Variants in PRELID2 observed in about 807,000 individuals in gnomAD.
PRELID2 encodes the protein PRELI domain containing 2.
In PRELID2, 25 loss-of-function variants were observed where a neutral mutation model predicts 28.4. The ratio of observed to expected loss-of-function variants is 0.88; its 90% confidence interval spans 0.64 to 1.23. PRELID2 has a LOEUF of 1.23. PRELID2 is among the 50% of genes most tolerant of loss of function. The pLI, the probability that PRELID2 is intolerant of heterozygous loss-of-function variation, is 0.00. For missense variants in PRELID2, 201 were observed against 214.4 expected (o/e 0.94, Z 0.39); for synonymous variants, 76 against 71.6 (o/e 1.06, Z -0.31).
chr5:145,507,826 C>T (rs1310970924), intron 1 of PRELID2, among the ~76,000 whole-genome samples: 2 of 152,124 alleles, frequency 1.3e-5, no homozygotes, highest in Admixed American at 6.6e-5. Context: ...TTTTATTGCT[C>T]ATCATTTCTG....
At chr5:145,810,504 A>G (rs556650579) in intron 4 of PRELID2, among the ~76,000 whole-genome samples, 1 of 152,322 alleles carries the variant, frequency 6.6e-6, no homozygotes, top group African/African-American at 2.4e-5. Context: ...TCCCAGTCCC[A>G]TGCCTCTCAA....
At chr5:145,596,194 G>A (rs1753304160) in intron 1 of PRELID2, among the ~76,000 whole-genome samples, 1 of 149,938 alleles carries the variant, frequency 6.7e-6, no homozygotes, top group Admixed American at 6.6e-5. Flanking sequence ...TGGAAGGAGG[G>A]AGAACTTATG....
At chr5:145,336,692 G>C in the PRELID2 span, among the ~76,000 whole-genome samples, 36 of 152,116 alleles carry the variant, frequency 2.4e-4, no homozygotes, top group Non-Finnish European at 1.0e-4. Flanking sequence ...ATTCACAATA[G>C]CAAAGACTTG....
chr5:145,458,501 G>A, the PRELID2 span, among the ~76,000 whole-genome samples: 1 of 152,180 alleles, frequency 6.6e-6, no homozygotes, highest in Non-Finnish European at 1.5e-5. Flanking sequence ...TTGCTCACAA[G>A]GGAATATTTG....
chr5:145,705,853 A>C (rs949211096), intron 1 of PRELID2, among the ~76,000 whole-genome samples: 1 of 151,506 alleles, frequency 6.6e-6, no homozygotes, highest in Non-Finnish European at 1.5e-5. Flanking sequence ...CCTTCTTGTG[A>C]TTTTTTTCTC....
chr5:145,500,133 G>C (rs1267646689), intron 1 of PRELID2, among the ~76,000 whole-genome samples: 1 of 152,174 alleles, frequency 6.6e-6, no homozygotes, highest in African/African-American at 2.4e-5. Flanking sequence ...GTCTGGATCT[G>C]TGTCCCCACC....
At chr5:145,402,420 C>T in the PRELID2 span, among the ~76,000 whole-genome samples, 1 of 151,980 alleles carries the variant, frequency 6.6e-6, no homozygotes, top group African/African-American at 2.4e-5. Context: ...AAACATGTGC[C>T]CTTGGATTTA....
Position 145,622,760 on chromosome 5 carries a change from T to C in PRELID2, n.70+142171A>G, listed in dbSNP as rs574466078. ...TTGGCCTAAGTTCTGAAAGTATAAA[T>C]AGAGAAAAATGGAATAAGTAATTTA... On this transcript the variant is annotated intron_variant and non_coding_transcript_variant, in intron 1 of 2. Transcript: ENST00000510259. Among the ~76,000 whole-genome samples the C allele has an allele frequency of 1.7e-3, 261 of 151,532 alleles. 1 individual carries two copies. The highest frequency in any genetic ancestry group is 5.2e-3 in the African/African-American group (217 of 41,334).
At chr5:145,713,369 T>TATATATATATAC (rs1334656798) in intron 1 of PRELID2, among the ~76,000 whole-genome samples, 2 of 144,646 alleles carry the variant, frequency 1.4e-5, no homozygotes, top group African/African-American at 5.1e-5. Flanking sequence ...TATATATATA[T>TATATATATATAC]ACTTTACATT....
chr5:145,586,004 G>A (rs900928491), intron 1 of PRELID2, among the ~76,000 whole-genome samples: 1 of 151,748 alleles, frequency 6.6e-6, no homozygotes, highest in Non-Finnish European at 1.5e-5. Flanking sequence ...ATCATCCAGA[G>A]ATTTCGAGTC....
intron 1 of PRELID2, among the ~76,000 whole-genome samples, chr5:145,659,515 T>C (rs1312816484): frequency 1.3e-5 from 2 of 152,178 alleles, no homozygotes; most frequent in Admixed American, 6.5e-5. Context: ...AGCTGGAAAG[T>C]TGGAATATTC....
chr5:145,424,719 G>A, the PRELID2 span, among the ~76,000 whole-genome samples: 1 of 152,170 alleles, frequency 6.6e-6, no homozygotes, highest in Non-Finnish European at 1.5e-5. Flanking sequence ...GACCGGAGCT[G>A]TTCCTATTCG....
intron 1 of PRELID2, among the ~76,000 whole-genome samples, chr5:145,577,823 A>G (rs996756113): frequency 3.9e-5 from 6 of 152,166 alleles, no homozygotes; most frequent in Non-Finnish European, 8.8e-5. Flanking sequence ...TTCCACACTA[A>G]CAGGCCTCTT....
the PRELID2 span, among the ~76,000 whole-genome samples, chr5:145,445,894 C>A: frequency 2.6e-5 from 4 of 151,892 alleles, no homozygotes; most frequent in Non-Finnish European, 5.9e-5. Context: ...AGAAGGGGAA[C>A]TCTTCTACAC....
chr5:145,240,003 A>T, the PRELID2 span, among the ~76,000 whole-genome samples: 8,575 of 152,084 alleles, frequency 0.056, 441 homozygotes, highest in African/African-American at 0.14. Flanking sequence ...AATTTGGTAC[A>T]TCTTTTGCCT....
At chr5:145,302,863 T>C in the PRELID2 span, among the ~76,000 whole-genome samples, 1 of 152,194 alleles carries the variant, frequency 6.6e-6, no homozygotes, top group Non-Finnish European at 1.5e-5. Context: ...ATCAAGTAGT[T>C]ATTTCTTCAA....
At chr5:145,656,055 G>GA in intron 1 of PRELID2, among the ~76,000 whole-genome samples, 1 of 152,068 alleles carries the variant, frequency 6.6e-6, no homozygotes, top group African/African-American at 2.4e-5. Context: ...AAATTTATGA[G>GA]AAAAAAACAA....
chr5:145,425,153 A>T, the PRELID2 span, among the ~76,000 whole-genome samples: 1 of 152,248 alleles, frequency 6.6e-6, no homozygotes, highest in Non-Finnish European at 1.5e-5. Flanking sequence ...GAAACATGAA[A>T]AAATGCTCAG....
intron 1 of PRELID2, among the ~76,000 whole-genome samples, chr5:145,675,480 T>A (rs1476111812): frequency 6.6e-6 from 1 of 152,218 alleles, no homozygotes; most frequent in African/African-American, 2.4e-5. Flanking sequence ...CTAGCAAAAC[T>A]AATAAGCATT....
Sources: gnomAD v4.1 joint callset for allele counts (sites outside exome capture counted in the v4.1 genomes callset) on GRCh38, gnomAD v4.1.1 for gene constraint, MANE v1.5 for transcripts, NCBI Gene and HGNC (gene_info 2026-07-23, HGNC 2026-07-21) for gene names.